Variants in GPATCH2L observed in about 807,000 individuals in gnomAD.
The protein encoded by GPATCH2L is G-patch domain containing 2 like, also known as G patch domain-containing protein 2-like.
A neutral mutation model predicts 57.4 loss-of-function variants in GPATCH2L; 31 were observed. That is an observed-to-expected ratio of 0.54 (90% CI 0.41 to 0.73). The LOEUF is 0.73. Among genes scored for constraint, GPATCH2L ranks in the 30% least tolerant of loss-of-function variants. The pLI is 0.00. For missense variants in GPATCH2L, 481 were observed against 599.9 expected (o/e 0.80, Z 2.07); for synonymous variants, 199 against 210.7 (o/e 0.94, Z 0.48).
At position 76,162,044 on chromosome 14, in the gene GPATCH2L, T is replaced by A. The variant is rs542789278; in HGVS notation, c.663-4619T>A. On this transcript the variant is annotated intron_variant, in intron 2 of 9. Transcript: ENST00000261530. ...GAGCGAGACTCCGTCTCAAAAAAAA[T>A]AAACAAAAAAAAACTTATGAGCTCT... Among the ~76,000 whole-genome samples, 8 of 151,926 alleles carry A rather than the reference T, an allele frequency of 5.3e-5. No individual in the cohort carries two copies. In the South Asian group the frequency reaches 1.7e-3, roughly 32 times the overall value.
chr14:76,221,138 T>G (rs117824780), intron 1 of GPATCH2L, among the ~76,000 whole-genome samples: 3,278 of 147,898 alleles, frequency 0.022, 73 homozygotes, highest in South Asian at 0.078. Context: ...TTATCCAAAC[T>G]GTAAAAAGAA....
intron 1 of GPATCH2L, among the ~76,000 whole-genome samples, chr14:76,226,136 A>G (rs1291425624): frequency 6.6e-6 from 1 of 152,236 alleles, no homozygotes; most frequent in Non-Finnish European, 1.5e-5. Flanking sequence ...ATACATACAC[A>G]TACATATATG....
At chr14:76,191,085 G>A (rs1038583028) in intron 8 of GPATCH2L, among the ~76,000 whole-genome samples, 1 of 152,060 alleles carries the variant, frequency 6.6e-6, no homozygotes, top group Admixed American at 6.5e-5. Flanking sequence ...TCTACTTGTA[G>A]GGAGGGTCTC....
intron 7 of GPATCH2L, chr14:76,178,347 G>A (rs2039422993): frequency 1.0e-6 from 1 of 993,628 alleles, no homozygotes; most frequent in Non-Finnish European, 1.4e-6. Context: ...GGTGAAGTGG[G>A]GTCAAAGCCT....
intron 1 of GPATCH2L, chr14:76,152,886 T>G: frequency 2.5e-6 from 1 of 400,376 alleles, no homozygotes; most frequent in Non-Finnish European, 4.9e-6. Context: ...GTTTCTTTAT[T>G]TTGGTCTTAG....
intron 8 of GPATCH2L, among the ~76,000 whole-genome samples, chr14:76,186,255 A>G (rs1358506646): frequency 6.6e-6 from 1 of 152,142 alleles, no homozygotes; most frequent in Non-Finnish European, 1.5e-5. Flanking sequence ...TGGGGTTAAA[A>G]AAAAAGAGAG....
chr14:76,164,172 A>T (rs1339150879), intron 2 of GPATCH2L, among the ~76,000 whole-genome samples: 2 of 152,158 alleles, frequency 1.3e-5, no homozygotes, highest in Non-Finnish European at 2.9e-5. Context: ...GCTAACGTGC[A>T]CAGGCTCCTC....
chr14:76,180,569 C>T (rs61979245), intron 7 of GPATCH2L, among the ~76,000 whole-genome samples, 195 bp from the exon 8 acceptor site: 11,488 of 151,354 alleles, frequency 0.076, 611 homozygotes, highest in Non-Finnish European at 0.11. Context: ...TTTTTTTTTC[C>T]GAGGTGTGCT....
intron 9 of GPATCH2L, among the ~76,000 whole-genome samples, chr14:76,199,121 C>T (rs1479170970): frequency 6.6e-6 from 1 of 152,092 alleles, no homozygotes. Flanking sequence ...AAATAAAATA[C>T]AGCAAATATC....
chr14:76,215,778 A>AG (rs949696962), downstream of GPATCH2L, among the ~76,000 whole-genome samples: 1 of 53,604 alleles, frequency 1.9e-5, no homozygotes, highest in African/African-American at 7.8e-5. Flanking sequence ...GGGTGGGGGG[A>AG]GGGGGGAGGG....
intron 8 of GPATCH2L, among the ~76,000 whole-genome samples, chr14:76,191,719 C>A (rs538535805): frequency 1.3e-5 from 2 of 152,208 alleles, no homozygotes; most frequent in Admixed American, 6.5e-5. Flanking sequence ...TCAATACATA[C>A]AATAGTGATC....
intron 7 of GPATCH2L, chr14:76,178,380 A>C: frequency 1.8e-6 from 1 of 567,452 alleles, no homozygotes; most frequent in South Asian, 2.4e-5. Flanking sequence ...CCCCAACCTT[A>C]TGTCACCAGG....
Position 76,154,882 on chromosome 14 carries a change from G to A in GPATCH2L, c.519G>A (p.Glu173=). The part of the protein sequence containing the change: ...AKKQRLSRWK[E]NTPWTSSGHG... ...AGCAGCGTCTGTCCCGCTGGAAGGA[G>A]AATACTCCCTGGACCTCATCAGGCC... The change falls in exon 2 of 10, where the codon GAG becomes GAA. Residue 173 remains glutamate (E), a synonymous_variant. Coordinates refer to ENST00000261530, the MANE Select transcript of GPATCH2L (RefSeq NM_017926.4). This position sits in a 1 kb window ranked among gnomAD's most constrained non-coding sequence, Gnocchi z 4.4. The A allele has an allele frequency of 1.9e-6, 3 of 1,614,202 alleles. No homozygotes were observed. The highest frequency in any genetic ancestry group is 1.7e-6 in the Non-Finnish European group (2 of 1,180,030).
intron 8 of GPATCH2L, among the ~76,000 whole-genome samples, chr14:76,186,364 G>C (rs1402856591): frequency 6.6e-6 from 1 of 152,180 alleles, no homozygotes; most frequent in Non-Finnish European, 1.5e-5. Flanking sequence ...GCATATCAGA[G>C]TTGTGTGCCC....
chr14:76,235,168 C>CAAAAAAAAA (rs34157061), intron 2 of GPATCH2L, among the ~76,000 whole-genome samples: 2 of 98,758 alleles, frequency 2.0e-5, no homozygotes, highest in African/African-American at 3.6e-5. Flanking sequence ...AACTCTGTCT[C>CAAAAAAAAA]AAAAAAAAAA....
At chr14:76,166,637 T>C (rs150810933) in intron 2 of GPATCH2L, 26 bp from the exon 3 acceptor site, 2 of 1,546,116 alleles carry the variant, frequency 1.3e-6, no homozygotes, top group Admixed American at 3.3e-5. Flanking sequence ...GCTGATGAGT[T>C]CTCTTGTGTT....
In GPATCH2L at chr14:76,222,072, G is replaced by A. The variant is rs8014368; in HGVS notation, c.66-7736G>A. On this transcript the variant is annotated intron_variant and NMD_transcript_variant, in intron 1 of 3. Coordinates refer to the GPATCH2L transcript ENST00000556372. ...GGCTGTGCATGTGTGGGGGAAGAAGGTATATGGGAATTCTCTGTACTCCTG... is the reference window on the plus strand; with the variant it reads ...GGCTGTGCATGTGTGGGGGAAGAAGATATATGGGAATTCTCTGTACTCCTG... Among the ~76,000 whole-genome samples the A allele has an allele frequency of 3.5e-3, 526 of 152,222 alleles. 2 individuals carry two copies. The highest frequency in any genetic ancestry group is 0.012 in the African/African-American group (511 of 41,528).
intron 2 of GPATCH2L, among the ~76,000 whole-genome samples, chr14:76,233,480 A>T (rs1350105247): frequency 6.6e-6 from 1 of 152,218 alleles, no homozygotes; most frequent in South Asian, 2.1e-4. Context: ...ACACCCATAA[A>T]AGTTGATAGA....
At position 76,209,183 on chromosome 14, in the gene GPATCH2L, CTTTCTCAGTTTCTG is replaced by C. The variant is rs1458298709; in HGVS notation, c.*7334_*7347del. The C allele has an allele frequency of 1.3e-5, 2 of 152,526 alleles. No homozygotes were observed. The highest frequency in any genetic ancestry group is 4.8e-5 in the African/African-American group (2 of 41,462). 9.4% of individuals were successfully genotyped at this position (152,526 alleles called of 1,614,324 possible). ...CTGATTTTTCTGCCACTTCTTTGCT[CTTTCTCAGTTTCTG>C]TGGAGTTGTTTGGTAGGTCAGTCTA... is the stretch of plus-strand genomic sequence containing the variant. On this transcript the variant is annotated 3_prime_UTR_variant, in exon 10 of 10. Coordinates refer to ENST00000261530, the MANE Select transcript of GPATCH2L (RefSeq NM_017926.4).
Sources: gnomAD v4.1 joint callset for allele counts (sites outside exome capture counted in the v4.1 genomes callset) on GRCh38, gnomAD v4.1.1 for gene constraint, Gnocchi (gnomAD v3.1) non-coding constraint, MANE v1.5 for transcripts, NCBI Gene and HGNC (gene_info 2026-07-23, HGNC 2026-07-21) for gene names.